Variants in SLMAP observed in about 807,000 individuals in gnomAD.
The protein encoded by SLMAP is sarcolemma associated protein.
A neutral mutation model predicts 128.8 loss-of-function variants in SLMAP; 44 were observed. That is an observed-to-expected ratio of 0.34 (90% CI 0.27 to 0.44). The LOEUF is 0.44. SLMAP is among the 20% of genes least tolerant of loss of function. SLMAP has a pLI of 1.00. For missense variants in SLMAP, 787 were observed against 985.3 expected (o/e 0.80, Z 2.69); for synonymous variants, 327 against 348.8 (o/e 0.94, Z 0.70).
At chr3:57,882,881 A>G (rs1041656637) in intron 14 of SLMAP, among the ~76,000 whole-genome samples, 1 of 152,198 alleles carries the variant, frequency 6.6e-6, no homozygotes, top group Non-Finnish European at 1.5e-5. Context: ...AGACTAGAAT[A>G]GCTTTCAAAG....
Position 57,878,594 on chromosome 3 carries a change from T to C in SLMAP, c.1300+6896T>C, listed in dbSNP as rs914706421. Among the ~76,000 whole-genome samples, 9 of 152,274 alleles carry C rather than the reference T, an allele frequency of 5.9e-5. No homozygotes were observed. The East Asian group carries it at 1.7e-3, about 29-fold the overall frequency. ...CCTCTTTAAACCTTGATTTCCTCATTTATAAAGTGGGATGGCAGTATCTCT... is the reference window on the plus strand; with the variant it reads ...CCTCTTTAAACCTTGATTTCCTCATCTATAAAGTGGGATGGCAGTATCTCT... On this transcript the variant is annotated intron_variant, in intron 14 of 24. Coordinates refer to ENST00000671191, the MANE Select transcript of SLMAP (RefSeq NM_001377540.1).
intron 19 of SLMAP, among the ~76,000 whole-genome samples, chr3:57,910,003 T>C (rs1202365431): frequency 6.6e-6 from 1 of 151,788 alleles, no homozygotes; most frequent in Non-Finnish European, 1.5e-5. Flanking sequence ...GAGGTGAAGA[T>C]TTGGAGTTGG....
chr3:57,857,438 A>G (rs1161750739), intron 6 of SLMAP, among the ~76,000 whole-genome samples: 4 of 152,350 alleles, frequency 2.6e-5, no homozygotes, highest in South Asian at 2.1e-4. Flanking sequence ...TAATAATAAA[A>G]TAGAACAATT....
intron 14 of SLMAP, among the ~76,000 whole-genome samples, chr3:57,886,223 C>A (rs2153641923): frequency 1.3e-5 from 2 of 151,682 alleles, no homozygotes; most frequent in East Asian, 1.9e-4. Flanking sequence ...CCTGCCTCAG[C>A]CTCCTGAGTA....
intron 2 of SLMAP, among the ~76,000 whole-genome samples, chr3:57,782,388 A>C (rs1185643259): frequency 6.6e-6 from 1 of 152,222 alleles, no homozygotes; most frequent in Non-Finnish European, 1.5e-5. Context: ...TTTAGAATTA[A>C]AAAGGTGTTT....
chr3:57,898,157 TTTGTACTC>T (rs1695810103), intron 17 of SLMAP: 1 of 152,206 alleles, frequency 6.6e-6, no homozygotes, highest in African/African-American at 2.4e-5. Context: ...CTCTTACTGA[TTTGTACTC>T]TTCTTAGGTG....
intron 3 of SLMAP, among the ~76,000 whole-genome samples, chr3:57,835,844 T>C (rs376689843): frequency 3.3e-5 from 5 of 152,216 alleles, no homozygotes; most frequent in African/African-American, 1.2e-4. Context: ...ATTTGTATAG[T>C]GTAACCATTT....
chr3:57,832,043 G>A (rs181835047), intron 3 of SLMAP, among the ~76,000 whole-genome samples: 60 of 152,352 alleles, frequency 3.9e-4, no homozygotes, highest in Admixed American at 3.9e-3. Context: ...GGATGAGGCG[G>A]GGATAAAATG....
At chr3:57,786,187 A>G (rs2084050334) in intron 2 of SLMAP, among the ~76,000 whole-genome samples, 1 of 152,236 alleles carries the variant, frequency 6.6e-6, no homozygotes. Flanking sequence ...ACAGTGCCTT[A>G]TAGCAGCAAA....
chr3:57,766,710 C>CT (rs1250788923), intron 2 of SLMAP, among the ~76,000 whole-genome samples: 2 of 151,966 alleles, frequency 1.3e-5, no homozygotes, highest in Admixed American at 6.6e-5. Context: ...ACTTTGTGTA[C>CT]TAGCTGTATG....
In SLMAP at chr3:57,911,868, T is replaced by C. The variant is rs1189086520; in HGVS notation, c.1700-513T>C. On this transcript the variant is annotated intron_variant, in intron 19 of 24. Coordinates refer to ENST00000671191, the MANE Select transcript of SLMAP (RefSeq NM_001377540.1). ...AAACGAATCAAGGGCGTCAACTGTT[T>C]ATTGCTTTTATTGCTTACCATTTGA... Among the ~76,000 whole-genome samples the C allele has an allele frequency of 2.0e-5, 3 of 150,828 alleles. No homozygotes were observed. The East Asian group carries it at 5.8e-4, about 29-fold the overall frequency.
chr3:57,818,074 G>A (rs2092089231), intron 2 of SLMAP, among the ~76,000 whole-genome samples: 1 of 152,186 alleles, frequency 6.6e-6, no homozygotes, highest in African/African-American at 2.4e-5. Flanking sequence ...TAGCAGAATG[G>A]TTGAGATCTA....
chr3:57,872,071 T>C (rs2095492200), intron 14 of SLMAP, among the ~76,000 whole-genome samples: 1 of 152,210 alleles, frequency 6.6e-6, no homozygotes, highest in Non-Finnish European at 1.5e-5. Flanking sequence ...AGAGAGGTAG[T>C]AGCAGTAGAT....
intron 19 of SLMAP, among the ~76,000 whole-genome samples, chr3:57,911,053 T>C (rs892700638): frequency 2.0e-5 from 3 of 152,164 alleles, no homozygotes; most frequent in Non-Finnish European, 2.9e-5. Context: ...TTAATGTCAT[T>C]ATCCATTAAT....
intron 2 of SLMAP, among the ~76,000 whole-genome samples, chr3:57,779,693 G>A (rs192281370): frequency 6.6e-6 from 1 of 151,962 alleles, no homozygotes; most frequent in Non-Finnish European, 1.5e-5. Flanking sequence ...CTTTATAAAT[G>A]AATACTTATT....
intron 8 of SLMAP, 142 bp from the exon 9 acceptor site, chr3:57,860,557 G>A: frequency 1.7e-6 from 1 of 580,062 alleles, no homozygotes; most frequent in East Asian, 3.6e-5. Flanking sequence ...TACATCTTTA[G>A]TTAATACAGG....
chr3:57,841,425 T>G (rs887301790), intron 4 of SLMAP, 54 bp downstream of exon 4: 2 of 1,010,036 alleles, frequency 2.0e-6, no homozygotes, highest in Admixed American at 4.4e-5. Context: ...CTGTAAAGAA[T>G]TTAGTAATAA....
intron 3 of SLMAP, among the ~76,000 whole-genome samples, chr3:57,836,771 A>T (rs981780402): frequency 1.3e-5 from 2 of 152,226 alleles, no homozygotes; most frequent in African/African-American, 4.8e-5. Context: ...ATTCTAATAG[A>T]TTTTTTAAAA....
At chr3:57,846,082 C>T (rs186841836) in intron 4 of SLMAP, among the ~76,000 whole-genome samples, 17 of 152,228 alleles carry the variant, frequency 1.1e-4, no homozygotes, top group Admixed American at 4.6e-4. Context: ...CCTCGTGATC[C>T]GCCCACCTTG....
Sources: allele counts gnomAD v4.1 joint callset (sites outside exome capture counted in the v4.1 genomes callset), GRCh38; gene constraint gnomAD v4.1.1; transcripts MANE v1.5; gene names NCBI Gene and HGNC (gene_info 2026-07-23, HGNC 2026-07-21).